The following CDS1 variants were observed in gnomAD, a reference collection of about 807,000 sequenced individuals.
CDS1 encodes the protein CDP-diacylglycerol synthase 1, also known as phosphatidate cytidylyltransferase 1.
CDS1 carries 41 observed loss-of-function variants against 62.1 expected under a neutral mutation model. That is an observed-to-expected ratio of 0.66 (90% CI 0.51 to 0.86). CDS1 has a LOEUF of 0.86. Among genes scored for constraint, CDS1 ranks in the 40% least tolerant of loss-of-function variants. The pLI, the probability that CDS1 is intolerant of heterozygous loss-of-function variation, is 0.00. For synonymous variants in CDS1, 185 were observed against 192.6 expected, an observed-to-expected ratio of 0.96 and a Z score of 0.32; for missense variants, 470 against 550.1, an observed-to-expected ratio of 0.85 and a Z score of 1.46.
At chr4:84,637,353 C>T (rs905626647) in intron 8 of CDS1, among the ~76,000 whole-genome samples, 1 of 152,236 alleles carries the variant, frequency 6.6e-6, no homozygotes, top group Middle Eastern at 3.4e-3. Context: ...TATGGTTCTG[C>T]AAGCTGTACA....
intron 1 of CDS1, among the ~76,000 whole-genome samples, chr4:84,599,399 CACACACATATAT>C (rs1722852114): frequency 1.1e-4 from 2 of 18,082 alleles, no homozygotes; most frequent in African/African-American, 1.8e-4. Flanking sequence ...TTTTGACACA[CACACACATATAT>C]ATATATATAT....
chr4:84,633,583 AT>A (rs1724088730), intron 6 of CDS1, among the ~76,000 whole-genome samples: 2 of 152,174 alleles, frequency 1.3e-5, no homozygotes, highest in Middle Eastern at 3.2e-3. Flanking sequence ...ATAATGGTTT[AT>A]TTTTTATATG....
intron 7 of CDS1, 24 bp from the exon 8 acceptor site, chr4:84,635,235 CTGACT>C: frequency 8.7e-7 from 1 of 1,153,322 alleles, no homozygotes; most frequent in South Asian, 1.3e-5. Flanking sequence ...CTTTTTTCTG[CTGACT>C]TTTTTTTTTT....
chr4:84,645,379 A>G, intron 12 of CDS1, 54 bp downstream of exon 12: 2 of 1,092,036 alleles, frequency 1.8e-6, no homozygotes, highest in South Asian at 2.5e-5. Flanking sequence ...TCTCATTTCC[A>G]TCAACATTAG....
chr4:84,637,911 C>T (rs1724263130), intron 8 of CDS1, among the ~76,000 whole-genome samples: 1 of 152,000 alleles, frequency 6.6e-6, no homozygotes, highest in Non-Finnish European at 1.5e-5. Flanking sequence ...TGTGTCTGTC[C>T]CTTCTCTGTG....
chr4:84,607,034 C>T (rs1302913237), intron 2 of CDS1, among the ~76,000 whole-genome samples: 1 of 152,122 alleles, frequency 6.6e-6, no homozygotes, highest in African/African-American at 2.4e-5. Context: ...TTAGTTCTGC[C>T]TCATGCTCAT....
At chr4:84,609,180 CAAAAAAAAA>C (rs1230335142) in intron 2 of CDS1, among the ~76,000 whole-genome samples, 1 of 91,474 alleles carries the variant, frequency 1.1e-5, no homozygotes, top group Non-Finnish European at 2.1e-5. Flanking sequence ...GACTCCGTCT[CAAAAAAAAA>C]AAAAAAAAAA....
chr4:84,640,779 AATG>A, intron 9 of CDS1, 56 bp from the exon 10 acceptor site: 1 of 1,314,754 alleles, frequency 7.6e-7, no homozygotes, highest in Admixed American at 2.6e-5. Context: ...ATGTTTAGTC[AATG>A]TGTTATGAAC....
intron 1 of CDS1, among the ~76,000 whole-genome samples, chr4:84,599,526 T>A (rs1722871075): frequency 6.7e-6 from 1 of 149,956 alleles, no homozygotes; most frequent in African/African-American, 2.5e-5. Context: ...TTTTTGTAGT[T>A]CTTCCCTCAT....
At chr4:84,599,403 CACATATAT>C (rs1306880080) in intron 1 of CDS1, among the ~76,000 whole-genome samples, 319 of 16,818 alleles carry the variant, frequency 0.019, no homozygotes, top group Non-Finnish European at 0.026. Flanking sequence ...GACACACACA[CACATATAT>C]ATATATATAT....
chr4:84,610,011 CA>C (rs112010784), intron 3 of CDS1, among the ~76,000 whole-genome samples: 151 of 135,272 alleles, frequency 1.1e-3, no homozygotes, highest in African/African-American at 2.6e-3. Context: ...CAGACCATCT[CA>C]AAAAAAAAAA....
At chr4:84,608,252 A>C (rs771361045) in intron 2 of CDS1, among the ~76,000 whole-genome samples, 37 of 152,290 alleles carry the variant, frequency 2.4e-4, no homozygotes, top group South Asian at 8.3e-4. Context: ...TGGCTCACTG[A>C]AAGCTCCGCC....
intron 3 of CDS1, among the ~76,000 whole-genome samples, chr4:84,616,036 T>A (rs896529398): frequency 2.0e-5 from 3 of 152,208 alleles, no homozygotes; most frequent in African/African-American, 4.8e-5. Context: ...GTAAAAGAAA[T>A]ACAATTTATA....
intron 3 of CDS1, among the ~76,000 whole-genome samples, chr4:84,615,352 T>C (rs1410122258): frequency 6.6e-6 from 1 of 152,036 alleles, no homozygotes; most frequent in Non-Finnish European, 1.5e-5. Flanking sequence ...GCCCACTGTT[T>C]CCACCTTATT....
chr4:84,609,199 AAAGAAAAG>A (rs1471927869), intron 2 of CDS1, among the ~76,000 whole-genome samples: 3 of 150,864 alleles, frequency 2.0e-5, no homozygotes, highest in Non-Finnish European at 4.4e-5. Flanking sequence ...AAAAAAAAAA[AAAGAAAAG>A]AAAAATTATT....
intron 12 of CDS1, among the ~76,000 whole-genome samples, chr4:84,646,945 G>A (rs1184899465): frequency 1.3e-5 from 2 of 151,984 alleles, no homozygotes; most frequent in Admixed American, 6.6e-5. Context: ...ATATTTTGAG[G>A]TTGTATTAGG....
At chr4:84,628,683 C>T (rs887221356) in intron 5 of CDS1, among the ~76,000 whole-genome samples, 4 of 152,120 alleles carry the variant, frequency 2.6e-5, no homozygotes, top group Non-Finnish European at 4.4e-5. Context: ...CAGGTGTGTG[C>T]TGTCCTGCTC....
At chr4:84,615,073 G>A (rs1723445986) in intron 3 of CDS1, among the ~76,000 whole-genome samples, 1 of 152,020 alleles carries the variant, frequency 6.6e-6, no homozygotes, top group Non-Finnish European at 1.5e-5. Context: ...TGCTTTTTCC[G>A]CTTGGCCCCT....
intron 1 of CDS1, among the ~76,000 whole-genome samples, chr4:84,602,354 A>C (rs536995046): frequency 6.6e-6 from 1 of 152,366 alleles, no homozygotes; most frequent in South Asian, 2.1e-4. Context: ...GTTGCAGCGC[A>C]TCACCATTAC....
Sources: allele counts gnomAD v4.1 joint callset (sites outside exome capture counted in the v4.1 genomes callset), GRCh38; gene constraint gnomAD v4.1.1; transcripts MANE v1.5; gene names NCBI Gene and HGNC (gene_info 2026-07-23, HGNC 2026-07-21).